Variants in NRG4 observed in about 807,000 individuals in gnomAD.
The protein encoded by NRG4 is pro-neuregulin-4, membrane-bound isoform.
In NRG4, 10 loss-of-function variants were observed where a neutral mutation model predicts 15.0. That is an observed-to-expected ratio of 0.67 (90% CI 0.41 to 1.13). The LOEUF (loss-of-function observed/expected upper bound fraction) is 1.13. Among genes scored for constraint, NRG4 ranks in the 50% most tolerant of loss-of-function variants. The pLI is 0.00. For missense variants in NRG4, 139 were observed against 140.2 expected, an observed-to-expected ratio of 0.99 and a Z score of 0.04; for synonymous variants, 41 against 50.1, an observed-to-expected ratio of 0.82 and a Z score of 0.77.
rs2031151691 is a variant in NRG4, at chr15:75,942,967, G to A, written c.*671C>T. On this transcript the variant is annotated 3_prime_UTR_variant, in exon 6 of 6. Coordinates refer to ENST00000394907, the MANE Select transcript of NRG4 (RefSeq NM_138573.4). ...ACAAGGGAAATAGGTTTGGAACTTT[G>A]TGACCTGTGTAGTACAATAACAATC... 6.6e-6 allele frequency: 1 copy of A among 152,176 alleles called. No homozygotes were observed. Among genetic ancestry groups the A allele is most frequent in the South Asian group, 2.1e-4 (1 of 4,828 alleles). The allele number at this position is 152,176 out of a possible 1,614,324, so 9.4% of individuals were successfully genotyped here.
intron 5 of NRG4, among the ~76,000 whole-genome samples, chr15:76,027,708 A>T (rs1596040722): frequency 6.6e-6 from 1 of 152,310 alleles, no homozygotes; most frequent in East Asian, 1.9e-4. Flanking sequence ...CATAATTTTC[A>T]GAACGTTTCA....
At chr15:75,955,451 C>G (rs1268711913) in intron 5 of NRG4, among the ~76,000 whole-genome samples, 2 of 152,104 alleles carry the variant, frequency 1.3e-5, no homozygotes, top group Non-Finnish European at 2.9e-5. Flanking sequence ...AATTTTAATG[C>G]TCCATATATT....
rs1054039751 is a variant in NRG4, at chr15:76,048,499, G to C, written c.-105+3568C>G. Among the ~76,000 whole-genome samples, 3 of 147,934 alleles carry C rather than the reference G, an allele frequency of 2.0e-5. 1 individual carries two copies. Among genetic ancestry groups the C allele is most frequent in the African/African-American group, 5.1e-5 (2 of 39,498 alleles). On this transcript the variant is annotated intron_variant, in intron 4 of 8. Coordinates refer to the NRG4 transcript ENST00000563910. ...AAAAAAAAAAAAAAAAAAGCTGGCT[G>C]GTGAATGTGATTTATAAACTCTTAA...
At chr15:76,046,498 A>G (rs575154703) in intron 4 of NRG4, among the ~76,000 whole-genome samples, 1 of 151,418 alleles carries the variant, frequency 6.6e-6, no homozygotes, top group Non-Finnish European at 1.5e-5. Context: ...TGGCATAAAA[A>G]CAGACACATA....
chr15:76,013,358 T>A (rs775399072), upstream of NRG4, among the ~76,000 whole-genome samples: 213 of 152,278 alleles, frequency 1.4e-3, 1 homozygote, highest in African/African-American at 2.7e-3. Flanking sequence ...ATTACATTTT[T>A]AAAATTATAC....
chr15:75,969,212 A>C (rs575068145), intron 3 of NRG4: 54 of 456,186 alleles, frequency 1.2e-4, no homozygotes, highest in Non-Finnish European at 2.2e-4. Context: ...AGAAGCCAGC[A>C]TCAGTTCACT....
In NRG4 at chr15:75,962,077, T is replaced by C; in HGVS notation, c.105-103A>G. On this transcript the variant is annotated intron_variant, in intron 3 of 5. Coordinates refer to ENST00000394907, the MANE Select transcript of NRG4 (RefSeq NM_138573.4). ...GACGTGAAGAAAAAAGGAGACTAAT[T>C]TTCAGATTGTGAACATGGAGTAGAC... 3.9e-6 allele frequency: 3 copies of C among 777,262 alleles called. No individual in the cohort carries two copies. In the South Asian group the frequency reaches 6.5e-5, roughly 17 times the overall value. The allele number at this position is 777,262 out of a possible 1,614,324, so 48.1% of individuals were successfully genotyped here. A position where few individuals can be genotyped will look rare whatever the true frequency, so the allele number is the denominator to read the frequency against.
chr15:76,009,463 G>T (rs2034728577), intron 2 of NRG4, among the ~76,000 whole-genome samples, 170 bp from the exon 3 acceptor site: 1 of 152,094 alleles, frequency 6.6e-6, no homozygotes, highest in African/African-American at 2.4e-5. Flanking sequence ...GACAGACTGG[G>T]ACTTCTATGT....
chr15:75,945,503 G>T (rs1275873820), intron 5 of NRG4, among the ~76,000 whole-genome samples: 1 of 151,984 alleles, frequency 6.6e-6, no homozygotes, highest in African/African-American at 2.4e-5. Context: ...TTTCTTCATG[G>T]TTATTTAACC....
At chr15:75,950,867 A>G (rs908813396) in intron 5 of NRG4, 6 of 164,380 alleles carry the variant, frequency 3.7e-5, no homozygotes, top group Non-Finnish European at 5.5e-5. Flanking sequence ...TATTCTAGAT[A>G]TATGTCTTCC....
rs1420739889 is a variant in NRG4, at chr15:75,941,954, A to AC, written c.*1683_*1684insG. On this transcript the variant is annotated 3_prime_UTR_variant, in exon 6 of 6. Coordinates refer to ENST00000394907, the MANE Select transcript of NRG4 (RefSeq NM_138573.4). ...TTTTAAACCACCAAAAAAAAAAAAA[A>AC]AAAAAAATATGGCCTAGCTTTTTTT... 2.4e-5 allele frequency: 3 copies of AC among 124,128 alleles called. No individual in the cohort carries two copies. Among genetic ancestry groups the AC allele is most frequent in the Non-Finnish European group, 3.3e-5 (2 of 59,728 alleles). 7.7% of individuals were successfully genotyped at this position (124,128 alleles called of 1,614,324 possible).
chr15:75,970,807 C>G (rs746023733), intron 3 of NRG4, among the ~76,000 whole-genome samples: 4 of 152,210 alleles, frequency 2.6e-5, no homozygotes, highest in Non-Finnish European at 5.9e-5. Flanking sequence ...TGCCCCCATG[C>G]TTGCTCAAAG....
At chr15:76,051,294 C>T (rs1287809615) in intron 4 of NRG4, among the ~76,000 whole-genome samples, 1 of 150,212 alleles carries the variant, frequency 6.7e-6, no homozygotes. Context: ...CGTGAGCCAC[C>T]GCGCCCGGCC....
intron 3 of NRG4, among the ~76,000 whole-genome samples, chr15:75,966,092 T>C (rs2032779546): frequency 6.6e-6 from 1 of 152,054 alleles, no homozygotes; most frequent in African/African-American, 2.4e-5. Context: ...GTTATACAAA[T>C]TGGTTTTCTG....
intron 3 of NRG4, among the ~76,000 whole-genome samples, chr15:75,983,319 A>C (rs1247871472): frequency 1.3e-5 from 2 of 152,176 alleles, no homozygotes; most frequent in Non-Finnish European, 2.9e-5. Flanking sequence ...ACTAATAAAA[A>C]CCCTCAATAA....
chr15:75,986,684 A>C (rs2033811878), intron 3 of NRG4, among the ~76,000 whole-genome samples: 1 of 152,228 alleles, frequency 6.6e-6, no homozygotes. Context: ...TGGACCATAT[A>C]AATTATCAAT....
chr15:75,948,454 C>CTGT (rs749148715), intron 5 of NRG4, among the ~76,000 whole-genome samples: 315 of 152,180 alleles, frequency 2.1e-3, no homozygotes, highest in Non-Finnish European at 3.1e-3. Flanking sequence ...CACGTGCCAC[C>CTGT]ATGCCCAGAT....
intron 4 of NRG4, among the ~76,000 whole-genome samples, chr15:76,051,518 G>A (rs1186533884): frequency 1.4e-5 from 2 of 147,868 alleles, no homozygotes; most frequent in African/African-American, 5.1e-5. Context: ...GCACTTTGTT[G>A]TTTCTACTTT....
At chr15:75,936,525 C>G (rs1195182501), downstream of NRG4, 1 of 152,018 alleles carries the variant, frequency 6.6e-6, no homozygotes, top group East Asian at 1.9e-4. Context: ...TGTGCTACTA[C>G]AAAGTAGGAA....
Sources: allele counts gnomAD v4.1 joint callset (sites outside exome capture counted in the v4.1 genomes callset), GRCh38; gene constraint gnomAD v4.1.1; transcripts MANE v1.5; gene names NCBI Gene and HGNC (gene_info 2026-07-23, HGNC 2026-07-21).